Variants in TENM3 observed in about 807,000 individuals in gnomAD.
TENM3 encodes the protein teneurin-3.
Under a neutral mutation model 255.1 loss-of-function variants are expected in TENM3, and 63 were observed. The ratio of observed to expected loss-of-function variants is 0.25; its 90% CI spans 0.20 to 0.30. The LOEUF (loss-of-function observed/expected upper bound fraction) is 0.30, where lower values mean the gene tolerates loss of function less well. Among genes scored for constraint, TENM3 ranks in the 10% least tolerant of loss-of-function variants. TENM3 has a pLI of 1.00. For synonymous variants in TENM3, 1,306 were observed against 1,322.3 expected (o/e 0.99, Z 0.27); for missense variants, 2,929 against 3,461.1 (o/e 0.85, Z 3.86).
the TENM3 span, among the ~76,000 whole-genome samples, chr4:182,052,446 G>A: frequency 1.3e-5 from 2 of 152,124 alleles, no homozygotes; most frequent in Non-Finnish European, 2.9e-5. Flanking sequence ...CAGCAGTGAA[G>A]CTAAATTCAG....
chr4:182,189,880 T>A (rs894419909), intron 1 of TENM3, among the ~76,000 whole-genome samples: 2 of 152,174 alleles, frequency 1.3e-5, no homozygotes, highest in Non-Finnish European at 2.9e-5. Flanking sequence ...TAGAGCCAAA[T>A]TTATGCGTAA....
intron 3 of TENM3, among the ~76,000 whole-genome samples, chr4:182,459,340 G>C (rs907509510): frequency 6.6e-6 from 1 of 151,972 alleles, no homozygotes. Context: ...TATTCATCTC[G>C]GTGAATTCTG....
At position 182,754,760 on chromosome 4, in the gene TENM3, T is replaced by C; in HGVS notation, c.4393T>C (p.Tyr1465His). 1 of 1,614,074 alleles carries C rather than the reference T, an allele frequency of 6.2e-7. No individual in the cohort carries two copies. Among genetic ancestry groups the C allele is most frequent in the Non-Finnish European group, 8.5e-7 (1 of 1,179,912 alleles). ...TGACTGTTACCAGAGTGGAGATGGCTACGCCAAGGATGCCAAACTCAGTGC... is the reference window on the plus strand; with the variant it reads ...TGACTGTTACCAGAGTGGAGATGGCCACGCCAAGGATGCCAAACTCAGTGC... ...NCDCYQSGDG[Y>H]AKDAKLSAPS... Residue 1465 changes from tyrosine (Y) to histidine (H), a missense_variant, in exon 22 of 28, where the codon TAC becomes CAC. Physicochemically the swap from Tyr to His is moderately conservative, Grantham distance 83. Transcript: ENST00000511685. The surrounding 1 kb of genome is among the most constrained non-coding windows in gnomAD (Gnocchi z 5.1).
At chr4:181,505,876 A>T in the TENM3 span, among the ~76,000 whole-genome samples, 1 of 152,180 alleles carries the variant, frequency 6.6e-6, no homozygotes, top group Admixed American at 6.5e-5. Flanking sequence ...TCACATCCTA[A>T]AAACAACAAA....
At chr4:181,996,872 G>C in the TENM3 span, among the ~76,000 whole-genome samples, 106,033 of 152,036 alleles carry the variant, frequency 0.7, 37,592 homozygotes, top group Non-Finnish European at 0.75. Flanking sequence ...AAAGGAGACT[G>C]TCTGGGAAGC....
Position 182,775,096 on chromosome 4 carries a change from G to C in TENM3, c.5247G>C (p.Trp1749Cys). ...PGENGQNLVEWRFRKEQAQGK... is the reference protein window; with the variant it reads ...PGENGQNLVECRFRKEQAQGK... ...AGAACGGTCAAAACTTGGTGGAATG[G>C]AGATTCCGAAAAGAGCAAGCCCAAG... The change falls in exon 24 of 28, where the codon TGG becomes TGC. Residue 1749 changes from tryptophan to cysteine, a missense_variant. Physicochemically the swap from Trp to Cys is radical, Grantham distance 215 (BLOSUM62 -2). Around this residue, in one of 6 missense-constraint regions of TENM3, gnomAD observed 303 missense variants for 425.2 expected, o/e 0.71. Coordinates refer to ENST00000511685, the MANE Select transcript of TENM3 (RefSeq NM_001080477.4). 2 of 1,613,996 alleles carry C rather than the reference G, an allele frequency of 1.2e-6. No individual in the cohort carries two copies. Among genetic ancestry groups the C allele is most frequent in the Non-Finnish European group, 1.7e-6 (2 of 1,179,882 alleles).
chr4:181,724,526 A>G, the TENM3 span, among the ~76,000 whole-genome samples: 81 of 152,320 alleles, frequency 5.3e-4, no homozygotes, highest in African/African-American at 1.8e-3. Context: ...TATTTTTAAT[A>G]ACACCTTGCT....
chr4:182,245,929 G>C (rs1757610953), intron 1 of TENM3, among the ~76,000 whole-genome samples: 1 of 152,166 alleles, frequency 6.6e-6, no homozygotes, highest in African/African-American at 2.4e-5. Context: ...ATTTATATTT[G>C]ATACCGATGT....
chr4:181,784,416 A>C, the TENM3 span, among the ~76,000 whole-genome samples: 1 of 152,020 alleles, frequency 6.6e-6, no homozygotes, highest in East Asian at 1.9e-4. Context: ...CTTAATAATA[A>C]TTTTTAAAAA....
At chr4:182,313,733 T>C (rs1284328294) in intron 1 of TENM3, among the ~76,000 whole-genome samples, 2 of 152,230 alleles carry the variant, frequency 1.3e-5, no homozygotes, top group South Asian at 2.1e-4. Context: ...TCCTGTTTTC[T>C]CTCTCTCAGG....
upstream of TENM3, among the ~76,000 whole-genome samples, chr4:182,240,182 A>G (rs376056444): frequency 1.3e-5 from 2 of 152,268 alleles, no homozygotes; most frequent in South Asian, 2.1e-4. Flanking sequence ...AGCCACCCGG[A>G]TATTTCAGAG....
intron 1 of TENM3, among the ~76,000 whole-genome samples, chr4:182,244,489 T>C (rs577872967): frequency 5.9e-5 from 9 of 152,334 alleles, no homozygotes; most frequent in African/African-American, 2.2e-4. Flanking sequence ...TCCTTTGCAT[T>C]CAGATGCATT....
At chr4:182,561,911 C>T (rs980424560) in intron 3 of TENM3, among the ~76,000 whole-genome samples, 3 of 151,450 alleles carry the variant, frequency 2.0e-5, no homozygotes, top group African/African-American at 7.3e-5. Context: ...ATTACTTTTG[C>T]ACCAACCTAT....
chr4:182,656,187 C>G (rs1338933041), intron 6 of TENM3, among the ~76,000 whole-genome samples: 2 of 152,032 alleles, frequency 1.3e-5, no homozygotes, highest in Non-Finnish European at 2.9e-5. Context: ...TAACGGAAGC[C>G]CCAGAATCAG....
intron 3 of TENM3, among the ~76,000 whole-genome samples, chr4:182,444,933 G>A (rs188293312): frequency 1.5e-4 from 23 of 152,114 alleles, no homozygotes; most frequent in African/African-American, 5.3e-4. Flanking sequence ...CTAGCCTCTC[G>A]AGTAGCTGGG....
chr4:181,795,735 A>G, the TENM3 span, among the ~76,000 whole-genome samples: 1 of 152,248 alleles, frequency 6.6e-6, no homozygotes, highest in African/African-American at 2.4e-5. Flanking sequence ...GCACATGGGA[A>G]AGGAAGAGAA....
At chr4:182,026,730 A>C in the TENM3 span, among the ~76,000 whole-genome samples, 1 of 152,072 alleles carries the variant, frequency 6.6e-6, no homozygotes. Flanking sequence ...CTTTTCCCCA[A>C]TGTATGTTTT....
chr4:182,025,049 G>A, the TENM3 span, among the ~76,000 whole-genome samples: 2 of 91,532 alleles, frequency 2.2e-5, no homozygotes, highest in Non-Finnish European at 3.9e-5. Flanking sequence ...TTTTTTTTGA[G>A]ATGGAGTCTT....
chr4:181,920,169 T>C, the TENM3 span, among the ~76,000 whole-genome samples: 18 of 152,058 alleles, frequency 1.2e-4, no homozygotes, highest in Admixed American at 8.5e-4. Flanking sequence ...GTCTTTCCTA[T>C]TGTGAATAGT....
Sources: gnomAD v4.1 joint callset for allele counts (sites outside exome capture counted in the v4.1 genomes callset) on GRCh38, gnomAD v4.1.1 for gene constraint, gnomAD v4.1.1 regional missense constraint, Gnocchi (gnomAD v3.1) non-coding constraint, MANE v1.5 for transcripts, NCBI Gene and HGNC (gene_info 2026-07-23, HGNC 2026-07-21) for gene names.